The following CBLB variants were observed in gnomAD, a reference collection of about 807,000 sequenced individuals.
The protein encoded by CBLB is Cbl proto-oncogene B.
A neutral mutation model predicts 104.9 loss-of-function variants in CBLB; 31 were observed. The observed-to-expected ratio is 0.30, with a 90% CI of 0.22 to 0.40. The LOEUF is 0.40. CBLB is among the 10% of genes least tolerant of loss of function. The probability of loss-of-function intolerance (pLI) is 1.00; values close to 1 mark genes in which losing one functional copy is unlikely to be tolerated. For synonymous variants in CBLB, 440 were observed against 422.6 expected, an observed-to-expected ratio of 1.04 and a Z score of -0.51; for missense variants, 1,062 against 1,214.6, an observed-to-expected ratio of 0.87 and a Z score of 1.87.
At chr3:105,766,130 T>C (rs1024085107) in intron 4 of CBLB, among the ~76,000 whole-genome samples, 1 of 152,178 alleles carries the variant, frequency 6.6e-6, no homozygotes, top group East Asian at 1.9e-4. Flanking sequence ...GAAGTAACTG[T>C]AGATGTAGAA....
chr3:105,776,291 C>T, intron 4 of CBLB, 105 bp downstream of exon 4: 1 of 1,011,196 alleles, frequency 9.9e-7, no homozygotes, highest in Non-Finnish European at 1.5e-6. Flanking sequence ...TAATAAAATA[C>T]ATTCACAAAA....
At chr3:105,829,782 T>A (rs530887780) in intron 3 of CBLB, among the ~76,000 whole-genome samples, 120 of 151,734 alleles carry the variant, frequency 7.9e-4, no homozygotes, top group Non-Finnish European at 1.5e-3. Context: ...TACATTATTA[T>A]ACTTTTGAAA....
intron 3 of CBLB, among the ~76,000 whole-genome samples, chr3:105,850,450 A>C (rs2090800008): frequency 6.6e-6 from 1 of 152,140 alleles, no homozygotes. Context: ...AGAGAGGTTA[A>C]GAGTCTCACA....
At chr3:105,813,691 T>C (rs909238209) in intron 3 of CBLB, among the ~76,000 whole-genome samples, 11 of 152,166 alleles carry the variant, frequency 7.2e-5, no homozygotes, top group Non-Finnish European at 1.6e-4. Context: ...TAGATATATA[T>C]TTTTTGTGAT....
At chr3:105,728,179 G>A (rs1304332750) in intron 9 of CBLB, among the ~76,000 whole-genome samples, 2 of 152,020 alleles carry the variant, frequency 1.3e-5, no homozygotes, top group Non-Finnish European at 2.9e-5. Context: ...TGTCCTCTCT[G>A]TTTGCAGATG....
chr3:105,698,965 C>T (rs2068744298), intron 12 of CBLB, among the ~76,000 whole-genome samples: 1 of 152,060 alleles, frequency 6.6e-6, no homozygotes, highest in African/African-American at 2.4e-5. Flanking sequence ...TTTGTAACTC[C>T]TTGCATATCA....
intron 3 of CBLB, among the ~76,000 whole-genome samples, chr3:105,784,310 T>C (rs113450170): frequency 1.1e-3 from 175 of 152,266 alleles, no homozygotes; most frequent in African/African-American, 4.0e-3. Flanking sequence ...GTAAACACAA[T>C]GGAAAATCAT....
chr3:105,813,473 T>C (rs1225094839), intron 3 of CBLB, among the ~76,000 whole-genome samples: 1 of 152,120 alleles, frequency 6.6e-6, no homozygotes, highest in African/African-American at 2.4e-5. Context: ...TATTAATAAA[T>C]CATCATTTCT....
At chr3:105,786,976 A>T (rs1467303371) in intron 3 of CBLB, among the ~76,000 whole-genome samples, 1 of 152,198 alleles carries the variant, frequency 6.6e-6, no homozygotes, top group Non-Finnish European at 1.5e-5. Flanking sequence ...AGTTCAAGAG[A>T]ACACTAATTT....
intron 3 of CBLB, among the ~76,000 whole-genome samples, chr3:105,786,067 G>GGGC (rs1553794770): frequency 1.9e-5 from 2 of 102,780 alleles, no homozygotes; most frequent in African/African-American, 4.0e-5. Flanking sequence ...GGATCGGGGG[G>GGGC]GGGAAAGTGG....
At chr3:105,770,924 A>G (rs1238374003) in intron 4 of CBLB, among the ~76,000 whole-genome samples, 1 of 152,200 alleles carries the variant, frequency 6.6e-6, no homozygotes, top group Non-Finnish European at 1.5e-5. Flanking sequence ...GCAAACAGAG[A>G]AAGTCCAGGA....
intron 10 of CBLB, among the ~76,000 whole-genome samples, chr3:105,706,602 C>T (rs557459384): frequency 2.6e-5 from 4 of 152,256 alleles, no homozygotes; most frequent in Non-Finnish European, 5.9e-5. Flanking sequence ...CATCTTGACA[C>T]TGTAGATCAG....
chr3:105,857,874 G>C (rs903978587), intron 2 of CBLB, among the ~76,000 whole-genome samples: 4 of 152,148 alleles, frequency 2.6e-5, no homozygotes, highest in African/African-American at 9.7e-5. Flanking sequence ...TGCTATGATG[G>C]AGGCAAGTAC....
rs534803847 is a variant in CBLB, at chr3:105,827,802, G to C, written c.419+25612C>G. ...ACTGAATAACTGTAATATAAAAGCAGTATTAGCATGAATCCAGTGGTTGCT... is the reference window on the plus strand; with the variant it reads ...ACTGAATAACTGTAATATAAAAGCACTATTAGCATGAATCCAGTGGTTGCT... On this transcript the variant is annotated intron_variant, in intron 3 of 18. Transcript: ENST00000394030. Among the ~76,000 whole-genome samples, 4 of 152,268 alleles carry C rather than the reference G, an allele frequency of 2.6e-5. No homozygotes were observed. The South Asian group carries it at 6.2e-4, about 24-fold the overall frequency.
At chr3:105,741,684 C>T (rs934534276) in intron 6 of CBLB, among the ~76,000 whole-genome samples, 3 of 151,938 alleles carry the variant, frequency 2.0e-5, no homozygotes, top group Non-Finnish European at 4.4e-5. Flanking sequence ...CATGAGCCAC[C>T]GCGCCTGGCC....
intron 2 of CBLB, among the ~76,000 whole-genome samples, chr3:105,856,363 A>G (rs1475894053): frequency 2.0e-5 from 3 of 151,550 alleles, no homozygotes; most frequent in African/African-American, 4.8e-5. Context: ...AAAAAAAAAA[A>G]AAAAAGAAAA....
Position 105,702,167 on chromosome 3 carries a change from T to G in CBLB, c.1886A>C (p.His629Pro), listed in dbSNP as rs2069227890. Residue 629 changes from histidine to proline, a missense_variant, in exon 12 of 19, where the codon CAC becomes CCC. By Grantham distance (77) the His-to-Pro change is moderately conservative (BLOSUM62 -2). Around this residue, in one of 2 missense-constraint regions of CBLB, gnomAD observed 605 missense variants for 582.6 expected, o/e 1.04. Transcript: ENST00000394030. The stretch of plus-strand genomic sequence containing the variant: ...CACTGGGTCAGAGCCCACTCTACTG[T>G]GCCTTCCATTGACATTTGAACTCGC... ...ITASSNVNGR[H>P]SRVGSDPVLM... 1 of 1,614,032 alleles carries G rather than the reference T, an allele frequency of 6.2e-7. No homozygotes were observed. Among genetic ancestry groups the G allele is most frequent in the Non-Finnish European group, 8.5e-7 (1 of 1,180,018 alleles).
intron 3 of CBLB, among the ~76,000 whole-genome samples, chr3:105,852,703 T>C (rs1241254556): frequency 2.6e-5 from 4 of 151,490 alleles, no homozygotes; most frequent in Admixed American, 2.6e-4. Flanking sequence ...ATGCATGTTA[T>C]ACAGGTTATT....
At chr3:105,771,290 A>T (rs1268604752) in intron 4 of CBLB, among the ~76,000 whole-genome samples, 4 of 152,224 alleles carry the variant, frequency 2.6e-5, no homozygotes, top group Admixed American at 1.3e-4. Flanking sequence ...AAAAATATAT[A>T]TAATCATCTC....
Sources: gnomAD v4.1 joint callset for allele counts (sites outside exome capture counted in the v4.1 genomes callset) on GRCh38, gnomAD v4.1.1 for gene constraint, gnomAD v4.1.1 regional missense constraint, MANE v1.5 for transcripts, NCBI Gene and HGNC (gene_info 2026-07-23, HGNC 2026-07-21) for gene names.